MRPL10: variants seen among roughly 807,000 people sequenced by gnomAD.
MRPL10 encodes the protein large ribosomal subunit protein uL10m.
Under a neutral mutation model 19.8 loss-of-function variants are expected in MRPL10, and 14 were observed. The ratio of observed to expected loss-of-function variants is 0.71; its 90% CI spans 0.47 to 1.11. The LOEUF (loss-of-function observed/expected upper bound fraction) is 1.11. Among genes scored for constraint, MRPL10 ranks in the 50% least tolerant of loss-of-function variants. The pLI, the probability that MRPL10 is intolerant of heterozygous loss-of-function variation, is 0.00. For missense variants in MRPL10, 318 were observed against 339.6 expected, an observed-to-expected ratio of 0.94 and a Z score of 0.50; for synonymous variants, 129 against 139.2, an observed-to-expected ratio of 0.93 and a Z score of 0.52.
intron 4 of MRPL10, among the ~76,000 whole-genome samples, chr17:47,826,133 T>G: frequency 1.8e-5 from 2 of 108,968 alleles, no homozygotes; most frequent in Admixed American, 1.2e-4. Flanking sequence ...GGTGATAGAG[T>G]GAGACTCCAT....
In MRPL10 at chr17:47,831,538, G is replaced by A; in HGVS notation, c.-27C>T. ...TCCACCGGAAGAATGGACGGAAGCCGAGTGGAGACGGAAAGAGCTAAGGAT... is the reference window on the plus strand; with the variant it reads ...TCCACCGGAAGAATGGACGGAAGCCAAGTGGAGACGGAAAGAGCTAAGGAT... On this transcript the variant is annotated 5_prime_UTR_variant, in exon 1 of 5. Transcript: ENST00000351111. The A allele has an allele frequency of 6.5e-7, 1 of 1,545,574 alleles. No homozygotes were observed. The highest frequency in any genetic ancestry group is 1.2e-5 in the South Asian group (1 of 83,916).
chr17:47,824,524 G>C (rs2033499099), intron 4 of MRPL10, 66 bp from the exon 5 acceptor site: 1 of 1,492,860 alleles, frequency 6.7e-7, no homozygotes, highest in Non-Finnish European at 8.9e-7. Flanking sequence ...ACAATATTCT[G>C]ACCCTAGTAA....
rs11538867 is a variant in MRPL10 at position 47,824,012 on chromosome 17, G to A, written c.*193C>T. The A allele has an allele frequency of 0.32, 220,025 of 691,480 alleles. 39,790 individuals carry two copies. The highest frequency in any genetic ancestry group is 0.38 in the Non-Finnish European group (159,489 of 419,734). 42.8% of individuals were successfully genotyped at this position (691,480 alleles called of 1,614,324 possible). On this transcript the variant is annotated 3_prime_UTR_variant, in exon 5 of 5. Coordinates refer to ENST00000351111, the MANE Select transcript of MRPL10 (RefSeq NM_145255.4). ...GTCCCAAGTTGGGAAAACTAAGGACGAAGCCGGTGACTGACATCTGAAATG... is the reference window on the plus strand; with the variant it reads ...GTCCCAAGTTGGGAAAACTAAGGACAAAGCCGGTGACTGACATCTGAAATG...
rs2033537427 is a variant in MRPL10 at position 47,826,669 on chromosome 17, A to C, written c.500T>G (p.Ile167Ser). The change falls in exon 4 of 5, where the codon ATC (isoleucine) becomes AGC (serine). Residue 167 changes from isoleucine to serine, a missense_variant. By Grantham distance (142) the Ile-to-Ser change is moderately radical. Coordinates refer to ENST00000351111, the MANE Select transcript of MRPL10 (RefSeq NM_145255.4). ...CGGCAGGAATGGCACAGTCCTTAAG[A>C]TCCGTACCATCTCCTTGACCTTGGG... ...EEPKVKEMVR[I>S]LRTVPFLPLL... 6.2e-7 allele frequency: 1 copy of C among 1,614,024 alleles called. No individual in the cohort carries two copies. The highest frequency in any genetic ancestry group is 1.3e-5 in the African/African-American group (1 of 75,036).
intron 2 of MRPL10, among the ~76,000 whole-genome samples, chr17:47,827,526 T>G (rs2033553158): frequency 6.6e-6 from 1 of 152,218 alleles, no homozygotes; most frequent in Admixed American, 6.5e-5. Flanking sequence ...ATTATTTCAA[T>G]TATCAATCTG....
At chr17:47,831,276 G>C in intron 1 of MRPL10, 184 bp downstream of exon 1, 1 of 1,487,806 alleles carries the variant, frequency 6.7e-7, no homozygotes, top group Non-Finnish European at 9.0e-7. Context: ...AAACGCTGGA[G>C]ACAGACAACA....
In MRPL10 at chr17:47,826,682, C is replaced by G. The variant is rs1429174508; in HGVS notation, c.487G>C (p.Glu163Gln). 6.2e-7 allele frequency: 1 copy of G among 1,614,208 alleles called. No homozygotes were observed. The highest frequency in any genetic ancestry group is 1.1e-5 in the South Asian group (1 of 91,084). Reference protein sequence around the residue: ...LLVSEEPKVKEMVRILRTVPF... With the variant: ...LLVSEEPKVKQMVRILRTVPF... Reference sequence around the variant, plus strand: ...ACAGTCCTTAAGATCCGTACCATCTCCTTGACCTTGGGCTCTTCACTGACC... The same window carrying G: ...ACAGTCCTTAAGATCCGTACCATCTGCTTGACCTTGGGCTCTTCACTGACC... The change falls in exon 4 of 5, where the codon GAG becomes CAG. Residue 163 changes from glutamate (E) to glutamine (Q), a missense_variant. Coordinates refer to ENST00000351111, the MANE Select transcript of MRPL10 (RefSeq NM_145255.4).
At chr17:47,830,919 C>T (rs539850606) in intron 1 of MRPL10, among the ~76,000 whole-genome samples, 1 of 152,362 alleles carries the variant, frequency 6.6e-6, no homozygotes, top group Admixed American at 6.5e-5. Flanking sequence ...GTCTTTCTCA[C>T]AGGGTGCTTT....
In MRPL10 at chr17:47,826,628, C is replaced by T; in HGVS notation, c.532+9G>A. On this transcript the variant is annotated intron_variant, in intron 4 of 4. Transcript: ENST00000351111. ...ACCCCACCCCTAACTGGCAGGGGTGCTTGCTCACCTAGCAGCGGCAGGAAT... is the reference window on the plus strand; with the variant it reads ...ACCCCACCCCTAACTGGCAGGGGTGTTTGCTCACCTAGCAGCGGCAGGAAT... 6.2e-7 allele frequency: 1 copy of T among 1,612,850 alleles called. No individual in the cohort carries two copies. The highest frequency in any genetic ancestry group is 8.5e-7 in the Non-Finnish European group (1 of 1,179,956).
At chr17:47,831,340 A>T (rs1567951987) in intron 1 of MRPL10, 120 bp downstream of exon 1, 1 of 1,537,494 alleles carries the variant, frequency 6.5e-7, no homozygotes. Context: ...TGGACGGGGT[A>T]AGGAGGCCAG....
chr17:47,826,245 C>A (rs183776129), intron 4 of MRPL10, among the ~76,000 whole-genome samples: 2 of 152,150 alleles, frequency 1.3e-5, no homozygotes, highest in East Asian at 1.9e-4. Context: ...GTATTCTCTG[C>A]CCCTTAAGTG....
intron 1 of MRPL10, among the ~76,000 whole-genome samples, 179 bp from the exon 2 acceptor site, chr17:47,828,849 C>T (rs894122933): frequency 3.9e-5 from 6 of 152,246 alleles, no homozygotes; most frequent in Admixed American, 3.9e-4. Flanking sequence ...GCTTCTCTTT[C>T]AGTAAGTGAC....
chr17:47,824,135 T>C lies in MRPL10; in HGVS notation c.*70A>G. 1 of 1,599,472 alleles carries C rather than the reference T, an allele frequency of 6.3e-7. No individual in the cohort carries two copies. Among genetic ancestry groups the C allele is most frequent in the Non-Finnish European group, 8.5e-7 (1 of 1,170,630 alleles). ...CTCCCCGACCCCAAGTTCTTCCACA[T>C]GTCCCATTGAGGAGAGCACAGCCAA... On this transcript the variant is annotated 3_prime_UTR_variant, in exon 5 of 5. Transcript: ENST00000351111.
intron 3 of MRPL10, 103 bp downstream of exon 3, chr17:47,826,934 AGAG>A: frequency 6.9e-7 from 1 of 1,453,362 alleles, no homozygotes; most frequent in Non-Finnish European, 9.4e-7. Context: ...TGACTCATGG[AGAG>A]GAGGAGTAAG....
chr17:47,825,579 C>T lies in MRPL10; in HGVS notation c.532+1058G>A, dbSNP rs376499849. Among the ~76,000 whole-genome samples the T allele has an allele frequency of 2.4e-4, 36 of 152,182 alleles. No individual in the cohort carries two copies. The East Asian group carries it at 4.6e-3, about 20-fold the overall frequency. ...GGTCCAGGCTGCTGTGAGCCATGAC[C>T]GGACCACTGCACTCCAGCCTGGGCA... On this transcript the variant is annotated intron_variant, in intron 4 of 4. Transcript: ENST00000351111.
intron 2 of MRPL10, chr17:47,828,284 C>T (rs1014019348): frequency 2.5e-6 from 1 of 392,940 alleles, no homozygotes; most frequent in African/African-American, 2.1e-5. Flanking sequence ...TTTTTGGAGA[C>T]AAGAAGGAAA....
intron 2 of MRPL10, 111 bp from the exon 3 acceptor site, chr17:47,827,315 G>T: frequency 1.1e-6 from 1 of 886,352 alleles, no homozygotes; most frequent in Non-Finnish European, 1.7e-6. Flanking sequence ...ATGTGCAAAA[G>T]ATCGGGGAAC....
In MRPL10 at chr17:47,823,950, T is replaced by G. The variant is rs2033485064; in HGVS notation, c.*255A>C. ...GCCCTATCTTTTCAGGATCTCTGCC[T>G]TGGACCTGGAGAATGGAGAGACTTT... On this transcript the variant is annotated 3_prime_UTR_variant, in exon 5 of 5. Transcript: ENST00000351111. 3.8e-6 allele frequency: 2 copies of G among 522,210 alleles called. No homozygotes were observed. The highest frequency in any genetic ancestry group is 1.0e-3 in the Middle Eastern group (2 of 1,932). The allele number at this position is 522,210 out of a possible 1,614,324, so 32.3% of individuals were successfully genotyped here.
intron 1 of MRPL10, among the ~76,000 whole-genome samples, chr17:47,831,042 A>C (rs1046059681): frequency 3.0e-4 from 46 of 152,248 alleles, no homozygotes; most frequent in African/African-American, 1.1e-3. Flanking sequence ...TATCTACCGC[A>C]CGCTTACTAA....
Sources: gnomAD v4.1 joint callset for allele counts (sites outside exome capture counted in the v4.1 genomes callset) on GRCh38, gnomAD v4.1.1 for gene constraint, MANE v1.5 for transcripts, NCBI Gene and HGNC (gene_info 2026-07-23, HGNC 2026-07-21) for gene names.